PCDHGA6: variants seen among roughly 807,000 people sequenced by gnomAD.
PCDHGA6 encodes protocadherin gamma-A6.
In PCDHGA6, 41 loss-of-function variants were observed where a neutral mutation model predicts 60.6. That is an observed-to-expected ratio of 0.68 (90% CI 0.53 to 0.88). PCDHGA6 has a LOEUF of 0.88. Ranked by LOEUF, PCDHGA6 falls within the 40% of genes least tolerant of loss-of-function variation. PCDHGA6 has a pLI of 0.00. For missense variants in PCDHGA6, 1,312 were observed against 1,203.0 expected (o/e 1.09, Z -1.34); for synonymous variants, 594 against 524.4 (o/e 1.13, Z -1.81).
intron 1 of PCDHGA6, chr5:141,410,366 G>T: frequency 6.2e-7 from 1 of 1,613,774 alleles, no homozygotes; most frequent in Non-Finnish European, 8.5e-7. Flanking sequence ...TCTCAGCCCT[G>T]CTACTTGGGA....
At position 141,376,180 on chromosome 5, in the gene PCDHGA6, G is replaced by C. The variant is rs113596971; in HGVS notation, c.2097G>C (p.Ala699=). Residue 699 remains alanine (A), a synonymous_variant, in exon 1 of 4, where the codon GCG becomes GCC. Transcript: ENST00000517434. Reference sequence around the variant, plus strand: ...TGTACCTGGTGGTGGCGGTGGCCGCGGTCTCCTGCGTCTTCCTGGCCTTCG... The same window carrying C: ...TGTACCTGGTGGTGGCGGTGGCCGCCGTCTCCTGCGTCTTCCTGGCCTTCG... ...LTLYLVVAVA[A]VSCVFLAFVI... The C allele has an allele frequency of 1.9e-3, 3,099 of 1,614,100 alleles. 61 individuals are homozygous for C. The African/African-American group carries it at 0.034, about 18-fold the overall frequency.
intron 1 of PCDHGA6, among the ~76,000 whole-genome samples, chr5:141,448,931 C>G (rs966398044): frequency 1.3e-5 from 2 of 152,040 alleles, no homozygotes; most frequent in African/African-American, 4.8e-5. Context: ...GGCGACAGAG[C>G]AAGACTGCAA....
intron 1 of PCDHGA6, among the ~76,000 whole-genome samples, chr5:141,492,435 C>T (rs191116850): frequency 8.5e-5 from 13 of 152,348 alleles, no homozygotes; most frequent in Admixed American, 8.5e-4. Context: ...CTCAGGAGTA[C>T]TCGTAGCTGA....
rs760342816 is a variant in PCDHGA6 at position 141,375,289 on chromosome 5, T to C, written c.1206T>C (p.Tyr402=). ...TGGAAAAATCAGTTGGCAATTATTA[T>C]CGATTAGTGACAAATGCAGCTCTAG... ...FELEKSVGNY[Y]RLVTNAALDR... The change falls in exon 1 of 4, where the codon TAT becomes TAC. Residue 402 remains tyrosine, a synonymous_variant. Coordinates refer to ENST00000517434, the MANE Select transcript of PCDHGA6 (RefSeq NM_018919.3). The C allele has an allele frequency of 6.2e-7, 1 of 1,613,842 alleles. No homozygotes were observed. The highest frequency in any genetic ancestry group is 1.1e-5 in the South Asian group (1 of 91,086).
chr5:141,385,078 G>A, intron 1 of PCDHGA6: 1 of 1,614,222 alleles, frequency 6.2e-7, no homozygotes, highest in Non-Finnish European at 8.5e-7. Context: ...CCTGCTGCAG[G>A]CTTCAGAAGG....
Position 141,375,429 on chromosome 5 carries a change from C to T in PCDHGA6, c.1346C>T (p.Pro449Leu), listed in dbSNP as rs1049627462. The change falls in exon 1 of 4, where the codon CCG becomes CTG. Residue 449 changes from proline (P) to leucine (L), a missense_variant. Transcript: ENST00000517434. ...SLNVADTNDN[P>L]PTFPHSSYSV... is the part of the protein sequence containing the mutation. ...AATGTGGCAGACACCAACGACAACC[C>T]GCCCACCTTCCCCCATTCATCCTAC... 1 of 1,613,840 alleles carries T rather than the reference C, an allele frequency of 6.2e-7. No homozygotes were observed. The highest frequency in any genetic ancestry group is 1.3e-5 in the African/African-American group (1 of 74,920).
At chr5:141,389,919 C>T (rs777835466) in intron 1 of PCDHGA6, 22 of 1,613,962 alleles carry the variant, frequency 1.4e-5, no homozygotes, top group Middle Eastern at 1.6e-4. Context: ...CCGCCCCGAC[C>T]CCTCTGACCT....
At chr5:141,428,145 A>T (rs748256830) in intron 1 of PCDHGA6, 11 of 1,592,456 alleles carry the variant, frequency 6.9e-6, no homozygotes, top group Non-Finnish European at 8.6e-7. Flanking sequence ...GGGGCTGCAC[A>T]CGGGAACCTG....
chr5:141,421,379 AGGACCTGGGGCT>A, intron 1 of PCDHGA6: 1 of 1,614,054 alleles, frequency 6.2e-7, no homozygotes, highest in South Asian at 1.1e-5. Context: ...AATATCTCCA[AGGACCTGGGGCT>A]GGAGCCCCGG....
chr5:141,415,740 GTTTTTTTTTTTTTT>G (rs57426385), intron 1 of PCDHGA6: 52 of 625,016 alleles, frequency 8.3e-5, no homozygotes, highest in East Asian at 4.1e-4. Context: ...GTTTATTAAG[GTTTTTTTTTTTTTT>G]TTTTTTTTTT....
At chr5:141,434,489 C>T (rs921000136) in intron 1 of PCDHGA6, among the ~76,000 whole-genome samples, 4 of 152,158 alleles carry the variant, frequency 2.6e-5, no homozygotes, top group Non-Finnish European at 4.4e-5. Flanking sequence ...ACACCTGGCC[C>T]GCCCAGGGCA....
chr5:141,478,553 T>C, intron 1 of PCDHGA6: 1 of 1,602,704 alleles, frequency 6.2e-7, no homozygotes. Context: ...ACAGGTAAGG[T>C]TTAGCAAGTC....
chr5:141,490,098 T>C lies in PCDHGA6; in HGVS notation c.2425-4709T>C, dbSNP rs774132407. On this transcript the variant is annotated intron_variant, in intron 1 of 3. Transcript: ENST00000517434. The surrounding 1 kb of genome is among the most constrained non-coding windows in gnomAD (Gnocchi z 5.4). ...ACTATTCTTTTGGAGACCACACATCTGAGGCAGTGCGGAACCTCTTTGGCC... is the reference window on the plus strand; with the variant it reads ...ACTATTCTTTTGGAGACCACACATCCGAGGCAGTGCGGAACCTCTTTGGCC... The C allele has an allele frequency of 6.2e-7, 1 of 1,614,260 alleles. No homozygotes were observed. The highest frequency in any genetic ancestry group is 8.5e-7 in the Non-Finnish European group (1 of 1,180,038).
chr5:141,374,156 G>A lies in PCDHGA6; in HGVS notation c.73G>A (p.Gly25Arg). 6.2e-7 allele frequency: 1 copy of A among 1,612,230 alleles called. No individual in the cohort carries two copies. Among genetic ancestry groups the A allele is most frequent in the Non-Finnish European group, 8.5e-7 (1 of 1,178,928 alleles). Reference sequence around the variant, plus strand: ...CCTCACGCTCCTGGGGACGCTGTGGGGGGCCGCGGCAGCGCAGATCCGCTA... The same window carrying A: ...CCTCACGCTCCTGGGGACGCTGTGGAGGGCCGCGGCAGCGCAGATCCGCTA... ...LLLTLLGTLWGAAAAQIRYSI... is the reference protein window; with the variant it reads ...LLLTLLGTLWRAAAAQIRYSI... Residue 25 changes from glycine to arginine, a missense_variant, in exon 1 of 4, where the codon GGG becomes AGG. Gly to Arg is a moderately radical substitution (Grantham distance 125, BLOSUM62 -2). Coordinates refer to ENST00000517434, the MANE Select transcript of PCDHGA6 (RefSeq NM_018919.3).
At chr5:141,414,520 A>G in intron 1 of PCDHGA6, 1 of 1,613,990 alleles carries the variant, frequency 6.2e-7, no homozygotes, top group Non-Finnish European at 8.5e-7. Flanking sequence ...AGTGGCAGAT[A>G]TCAATGACAA....
chr5:141,419,852 G>A, intron 1 of PCDHGA6: 1 of 1,614,066 alleles, frequency 6.2e-7, no homozygotes, highest in Non-Finnish European at 8.5e-7. Flanking sequence ...CCTGGTGTTC[G>A]CAGATAGCTT....
Position 141,376,767 on chromosome 5 carries a change from A to G in PCDHGA6, c.2424+260A>G. The G allele has an allele frequency of 7.0e-6, 3 of 425,754 alleles. No individual in the cohort carries two copies. The South Asian group carries it at 8.7e-5, about 12-fold the overall frequency. 26.4% of individuals were successfully genotyped at this position (425,754 alleles called of 1,614,324 possible). On this transcript the variant is annotated intron_variant, in intron 1 of 3. Coordinates refer to ENST00000517434, the MANE Select transcript of PCDHGA6 (RefSeq NM_018919.3). The stretch of plus-strand genomic sequence containing the variant: ...AGTGGCGCAATCTCGGCTCACTGCA[A>G]GCTCCGCTTCCCGGGTTCACGCCAT...
rs200512171 is a variant in PCDHGA6, at chr5:141,418,143, T to C, written c.2424+41636T>C. ...AAGGACCGAATAGACCGTGAGCAAA[T>C]ATGCAAAGAGAGAAGAAGATGTGAG... On this transcript the variant is annotated intron_variant, in intron 1 of 3. Transcript: ENST00000517434. 2.6e-4 allele frequency: 419 copies of C among 1,613,982 alleles called. 1 individual carries two copies. In the African/African-American group the frequency reaches 5.2e-3, roughly 20 times the overall value.
chr5:141,390,542 G>A, intron 1 of PCDHGA6: 1 of 511,902 alleles, frequency 2.0e-6, no homozygotes, highest in South Asian at 2.4e-5. Context: ...TAACCACAAA[G>A]TGAAAGTGTT....
Sources: gnomAD v4.1 joint callset for allele counts (sites outside exome capture counted in the v4.1 genomes callset) on GRCh38, gnomAD v4.1.1 for gene constraint, Gnocchi (gnomAD v3.1) non-coding constraint, MANE v1.5 for transcripts, NCBI Gene and HGNC (gene_info 2026-07-23, HGNC 2026-07-21) for gene names.